Variants in PPFIA3 observed in about 807,000 individuals in gnomAD.
PPFIA3 encodes PPFI scaffold protein A3, also known as liprin-alpha-3.
A neutral mutation model predicts 145.8 loss-of-function variants in PPFIA3; 26 were observed. That is an observed-to-expected ratio of 0.18 (90% CI 0.13 to 0.25). PPFIA3 has a LOEUF of 0.25. Among genes scored for constraint, PPFIA3 ranks in the 10% least tolerant of loss-of-function variants. The pLI, the probability that PPFIA3 is intolerant of heterozygous loss-of-function variation, is 1.00. For missense variants in PPFIA3, 1,008 were observed against 1,587.8 expected, an observed-to-expected ratio of 0.63 and a Z score of 6.21; for synonymous variants, 645 against 661.4, an observed-to-expected ratio of 0.98 and a Z score of 0.38.
rs914310785 is a variant in PPFIA3 at position 49,120,609 on chromosome 19, G to A, written c.-16+887G>A. Among the ~76,000 whole-genome samples, 1 of 152,118 alleles carries A rather than the reference G, an allele frequency of 6.6e-6. No homozygotes were observed. The highest frequency in any genetic ancestry group is 1.5e-5 in the Non-Finnish European group (1 of 68,016). ...TCTGCTTAGAACCCCGCTGTGCCCT[G>A]CAGACACACAGACTTAGCCTCCTGG... On this transcript the variant is annotated intron_variant, in intron 1 of 29. Transcript: ENST00000334186. This position sits in a 1 kb window ranked among gnomAD's most constrained non-coding sequence, Gnocchi z 4.6.
At chr19:49,137,245 C>CT (rs1163348656) in intron 15 of PPFIA3, 1 of 221,096 alleles carries the variant, frequency 4.5e-6, no homozygotes, top group Non-Finnish European at 8.8e-6. Context: ...TGCCCAGAGT[C>CT]TCCCACTACC....
At position 49,129,029 on chromosome 19, in the gene PPFIA3, A is replaced by G; in HGVS notation, c.507+17A>G. The G allele has an allele frequency of 6.4e-7, 1 of 1,569,510 alleles. No individual in the cohort carries two copies. Among genetic ancestry groups the G allele is most frequent in the Non-Finnish European group, 8.7e-7 (1 of 1,155,416 alleles). ...GATGAGAAGGTATGAGAATTAGAAGAGCAGGGGTGGAGAATGGAAACCTAT... is the reference window on the plus strand; with the variant it reads ...GATGAGAAGGTATGAGAATTAGAAGGGCAGGGGTGGAGAATGGAAACCTAT... On this transcript the variant is annotated intron_variant, in intron 4 of 29. Transcript: ENST00000334186.
Position 49,128,069 on chromosome 19 carries a change from G to C in PPFIA3, c.196G>C (p.Glu66Gln). 1 of 1,592,434 alleles carries C rather than the reference G, an allele frequency of 6.3e-7. No homozygotes were observed. The change falls in exon 2 of 30, where the codon GAG becomes CAG. Residue 66 changes from glutamate to glutamine, a missense_variant. Physicochemically the swap from Glu to Gln is conservative, Grantham distance 29. Transcript: ENST00000334186. The surrounding 1 kb of genome is among the most constrained non-coding windows in gnomAD (Gnocchi z 4.1). The stretch of plus-strand genomic sequence containing the variant: ...GCTGCGGCTGCGCGAGCTCGGCCAC[G>C]AGAAGGACTCGCTGCAGCGCCAGCT... ...AQLRLRELGH[E>Q]KDSLQRQLSI...
chr19:49,141,561 A>AGGGTGTGTGTGTGC lies in PPFIA3; in HGVS notation c.2462+49_2462+50insGGTGTGTGTGTGCG, dbSNP rs1568439963. ...GTGTGTGTGTGTATGTGAATGTGAG[A>AGGGTGTGTGTGTGC]GTGTGTGAGGGTGTGTGTGTGCGTG... is the stretch of plus-strand genomic sequence containing the variant. On this transcript the variant is annotated intron_variant, in intron 19 of 29. Coordinates refer to ENST00000334186, the MANE Select transcript of PPFIA3 (RefSeq NM_003660.4). The AGGGTGTGTGTGTGC allele has an allele frequency of 2.7e-6, 4 of 1,491,528 alleles. No homozygotes were observed. The African/African-American group carries it at 5.9e-5, about 22-fold the overall frequency. The allele number at this position is 1,491,528 out of a possible 1,614,324, so 92.4% of individuals were successfully genotyped here.
intron 21 of PPFIA3, 125 bp downstream of exon 21, chr19:49,143,129 C>A: frequency 2.7e-6 from 3 of 1,107,556 alleles, no homozygotes; most frequent in South Asian, 1.5e-5. Flanking sequence ...TGGCTTTTAC[C>A]CCCCTCAGCC....
intron 24 of PPFIA3, 131 bp from the exon 25 acceptor site, chr19:49,148,535 C>A: frequency 1.2e-6 from 1 of 802,656 alleles, no homozygotes. Flanking sequence ...CTGAGGGGGT[C>A]AACAGTCAAT....
chr19:49,140,816 G>A (rs1264153127), intron 18 of PPFIA3, among the ~76,000 whole-genome samples: 1 of 151,344 alleles, frequency 6.6e-6, no homozygotes, highest in Admixed American at 6.6e-5. Flanking sequence ...CACCACGCCC[G>A]GCTAACTTTT....
At position 49,120,340 on chromosome 19, in the gene PPFIA3, C is replaced by G. The variant is rs984912137; in HGVS notation, c.-16+618C>G. 8.5e-5 allele frequency among the ~76,000 whole-genome samples: 13 copies of G among 152,208 alleles called. No homozygotes were observed. The highest frequency in any genetic ancestry group is 2.9e-4 in the African/African-American group (12 of 41,452). ...CCCTCCCCGACCAGGGCGCCCCAGC[C>G]TCTGGGTTCTGCCGGCCAGGCTCGT... On this transcript the variant is annotated intron_variant, in intron 1 of 29. Transcript: ENST00000334186. The surrounding 1 kb of genome is among the most constrained non-coding windows in gnomAD (Gnocchi z 4.6).
In PPFIA3 at chr19:49,149,863, G is replaced by C; in HGVS notation, c.3526+145G>C. The C allele has an allele frequency of 8.4e-7, 1 of 1,193,786 alleles. No homozygotes were observed. The highest frequency in any genetic ancestry group is 1.1e-6 in the Non-Finnish European group (1 of 869,872). The allele number at this position is 1,193,786 out of a possible 1,614,324, so 73.9% of individuals were successfully genotyped here. Reference sequence around the variant, plus strand: ...CTGCTCCAACGTTCCGGACTCCCCCGTCAGGATGAAATGGATAAATCCCAC... The same window carrying C: ...CTGCTCCAACGTTCCGGACTCCCCCCTCAGGATGAAATGGATAAATCCCAC... On this transcript the variant is annotated intron_variant, in intron 28 of 29. Transcript: ENST00000334186. The surrounding 1 kb of genome is among the most constrained non-coding windows in gnomAD (Gnocchi z 5.7).
Position 49,149,585 on chromosome 19 carries a change from G to T in PPFIA3, c.3393G>T (p.Arg1131=). The T allele has an allele frequency of 6.2e-7, 1 of 1,614,056 alleles. No individual in the cohort carries two copies. ...AKSFSRSPSW[R]KMFREKDLRG... ...CTTTCAGCCGCTCCCCATCCTGGCG[G>T]AAGATGTTCCGGGAGAAGGACCTCC... Residue 1131 remains arginine, a synonymous_variant, in exon 28 of 30, where the codon CGG becomes CGT. Transcript: ENST00000334186. This position sits in a 1 kb window ranked among gnomAD's most constrained non-coding sequence, Gnocchi z 5.7.
Position 49,127,808 on chromosome 19 carries a change from C to T in PPFIA3, c.-15-51C>T, listed in dbSNP as rs2041020855. On this transcript the variant is annotated intron_variant, in intron 1 of 29. Transcript: ENST00000334186. The stretch of plus-strand genomic sequence containing the variant: ...TCCGAGTGGCTGTGCCTCAGTTTCT[C>T]TGTTGTGCCTTGACAAGGCCGGTCT... 3 of 1,567,656 alleles carry T rather than the reference C, an allele frequency of 1.9e-6. No individual in the cohort carries two copies. The East Asian group carries it at 6.9e-5, about 36-fold the overall frequency.
At position 49,149,574 on chromosome 19, in the gene PPFIA3, C is replaced by G; in HGVS notation, c.3382C>G (p.Pro1128Ala). Reference sequence around the variant, plus strand: ...CAGCGCCAAGTCTTTCAGCCGCTCCCCATCCTGGCGGAAGATGTTCCGGGA... The same window carrying G: ...CAGCGCCAAGTCTTTCAGCCGCTCCGCATCCTGGCGGAAGATGTTCCGGGA... The part of the protein sequence containing the change: ...EDSAKSFSRS[P>A]SWRKMFREKD... Residue 1128 changes from proline to alanine, a missense_variant, in exon 28 of 30, where the codon CCA (proline) becomes GCA (alanine). By Grantham distance (27) the Pro-to-Ala change is conservative. Coordinates refer to ENST00000334186, the MANE Select transcript of PPFIA3 (RefSeq NM_003660.4). The surrounding 1 kb of genome is among the most constrained non-coding windows in gnomAD (Gnocchi z 5.7). The G allele has an allele frequency of 6.2e-7, 1 of 1,614,206 alleles. No individual in the cohort carries two copies. Among genetic ancestry groups the G allele is most frequent in the Non-Finnish European group, 8.5e-7 (1 of 1,180,034 alleles).
Position 49,149,060 on chromosome 19 carries a change from C to G in PPFIA3, c.3177C>G (p.Ala1059=), listed in dbSNP as rs1243119425. 1 of 1,614,130 alleles carries G rather than the reference C, an allele frequency of 6.2e-7. No individual in the cohort carries two copies. Among genetic ancestry groups the G allele is most frequent in the Admixed American group, 1.7e-5 (1 of 60,012 alleles). Residue 1059 remains alanine (A), a synonymous_variant, in exon 26 of 30, where the codon GCC becomes GCG. Transcript: ENST00000334186. The surrounding 1 kb of genome is among the most constrained non-coding windows in gnomAD (Gnocchi z 5.7). ...WVSGLGLKEF[A]TNLTESGVHG... is the part of the protein sequence containing the mutation. The stretch of plus-strand genomic sequence containing the variant: ...CCGGGCTGGGCCTGAAGGAATTTGC[C>G]ACGAACCTCACGGAGAGCGGGGTAC...
chr19:49,146,324 T>C, intron 23 of PPFIA3, 132 bp downstream of exon 23: 5 of 1,201,116 alleles, frequency 4.2e-6, no homozygotes, highest in Non-Finnish European at 4.7e-6. Context: ...TGCGCCAAGC[T>C]TGGCTCTGGA....
At chr19:49,144,016 T>G (rs1321491431) in intron 21 of PPFIA3, among the ~76,000 whole-genome samples, 1 of 85,680 alleles carries the variant, frequency 1.2e-5, no homozygotes, top group Admixed American at 1.0e-4. Flanking sequence ...TTTTATTTTA[T>G]TTTTTCGAGA....
At chr19:49,141,558 G>A in intron 19 of PPFIA3, 45 bp downstream of exon 19, 2 of 1,482,362 alleles carry the variant, frequency 1.3e-6, no homozygotes, top group South Asian at 1.2e-5. Context: ...ATGTGAATGT[G>A]AGAGTGTGTG....
At chr19:49,141,573 TGTGTGTGTGC>T in intron 19 of PPFIA3, 60 bp downstream of exon 19, 1 of 1,323,750 alleles carries the variant, frequency 7.6e-7, no homozygotes, top group Non-Finnish European at 1.0e-6. Flanking sequence ...TGTGTGAGGG[TGTGTGTGTGC>T]GTGTATGTGT....
rs763626270 is a variant in PPFIA3, at chr19:49,140,069, C to T, written c.2349C>T (p.Gly783=). The change falls in exon 18 of 30, where the codon GGC becomes GGT. Residue 783 remains glycine (G), a synonymous_variant. Coordinates refer to ENST00000334186, the MANE Select transcript of PPFIA3 (RefSeq NM_003660.4). ...AGAAGGGACGAATGGGACCCCCAGGCCGGGACAGCTCTTCTCTGGGTGAGT... is the reference window on the plus strand; with the variant it reads ...AGAAGGGACGAATGGGACCCCCAGGTCGGGACAGCTCTTCTCTGGGTGAGT... The part of the protein sequence containing the change: ...KKEKGRMGPP[G]RDSSSLAGTP... The T allele has an allele frequency of 4.3e-6, 7 of 1,614,002 alleles. No homozygotes were observed. In the South Asian group the frequency reaches 5.5e-5, roughly 13 times the overall value.
At chr19:49,134,936 C>A in intron 13 of PPFIA3, 21 bp downstream of exon 13, 1 of 1,525,592 alleles carries the variant, frequency 6.6e-7, no homozygotes, top group Non-Finnish European at 8.8e-7. Context: ...CCCTTCTGCC[C>A]TGCCCCCACC....
Sources: gnomAD v4.1 joint callset for allele counts (sites outside exome capture counted in the v4.1 genomes callset) on GRCh38, gnomAD v4.1.1 for gene constraint, Gnocchi (gnomAD v3.1) non-coding constraint, MANE v1.5 for transcripts, NCBI Gene and HGNC (gene_info 2026-07-23, HGNC 2026-07-21) for gene names.